LHFPL3: variants seen among roughly 807,000 people sequenced by gnomAD.
LHFPL3 encodes LHFPL tetraspan subfamily member 3, also known as LHFPL tetraspan subfamily member 3 protein.
Under a neutral mutation model 19.3 loss-of-function variants are expected in LHFPL3, and 5 were observed. The observed-to-expected ratio is 0.26, with a 90% CI of 0.14 to 0.54. The LOEUF is 0.54. Ranked by LOEUF, LHFPL3 falls within the 20% of genes least tolerant of loss-of-function variation. The pLI is 0.94. For synonymous variants in LHFPL3, 133 were observed against 126.2 expected, an observed-to-expected ratio of 1.05 and a Z score of -0.36; for missense variants, 249 against 307.4, an observed-to-expected ratio of 0.81 and a Z score of 1.42.
chr7:104,358,911 C>T (rs1425775215), intron 1 of LHFPL3, among the ~76,000 whole-genome samples: 1 of 152,196 alleles, frequency 6.6e-6, no homozygotes, highest in Non-Finnish European at 1.5e-5. Flanking sequence ...GCATAATGAT[C>T]CTTTTGCAAT....
chr7:104,833,052 A>AATATATATATATTATATATATATCC (rs1554349416), intron 2 of LHFPL3, among the ~76,000 whole-genome samples: 1 of 7,206 alleles, frequency 1.4e-4, no homozygotes, highest in African/African-American at 3.6e-4. Context: ...TATTATATAT[A>AATATATATATATTATATATATATCC]TATTATATAT....
chr7:104,882,008 G>A (rs1287222134), intron 2 of LHFPL3, among the ~76,000 whole-genome samples: 1 of 152,178 alleles, frequency 6.6e-6, no homozygotes, highest in Non-Finnish European at 1.5e-5. Context: ...TATAAACATA[G>A]CTTTTGCACT....
At chr7:104,674,642 C>T (rs1792557991) in intron 1 of LHFPL3, among the ~76,000 whole-genome samples, 1 of 152,104 alleles carries the variant, frequency 6.6e-6, no homozygotes, top group Admixed American at 6.5e-5. Flanking sequence ...GCTGGGATTA[C>T]AGGCGTGAGC....
intron 2 of LHFPL3, among the ~76,000 whole-genome samples, chr7:104,802,055 T>C (rs925821698): frequency 6.6e-6 from 1 of 152,204 alleles, no homozygotes; most frequent in Non-Finnish European, 1.5e-5. Flanking sequence ...TACCTCTTTC[T>C]CTACCCCTGC....
intron 1 of LHFPL3, among the ~76,000 whole-genome samples, chr7:104,593,541 G>A (rs1333120995): frequency 6.6e-6 from 1 of 152,202 alleles, no homozygotes; most frequent in Admixed American, 6.5e-5. Context: ...GAGTTCTGTA[G>A]ATGTCTATTA....
chr7:104,558,451 G>C (rs1789907431), intron 1 of LHFPL3, among the ~76,000 whole-genome samples: 1 of 152,054 alleles, frequency 6.6e-6, no homozygotes, highest in Non-Finnish European at 1.5e-5. Flanking sequence ...ATTTTTTCAT[G>C]TGTTTTTTGG....
rs1176189742 is a variant in LHFPL3, at chr7:104,430,383, C to CATAT, written c.445+101177_445+101180dup. 1.3e-4 allele frequency among the ~76,000 whole-genome samples: 5 copies of CATAT among 39,686 alleles called. No individual in the cohort carries two copies. The East Asian group carries it at 2.7e-3, about 21-fold the overall frequency. The allele number at this position is 39,686 out of a possible 152,430, so 26.0% of individuals were successfully genotyped here. A position where few individuals can be genotyped will look rare whatever the true frequency, so the allele number is the denominator to read the frequency against. On this transcript the variant is annotated intron_variant, in intron 1 of 2. Transcript: ENST00000424859. ...GCATTTCTGTGGGTATATATATATA[C>CATAT]ATATATATATATATATATATACATA...
intron 1 of LHFPL3, among the ~76,000 whole-genome samples, chr7:104,376,395 A>G (rs912116859): frequency 2.0e-5 from 3 of 152,190 alleles, no homozygotes; most frequent in African/African-American, 7.2e-5. Flanking sequence ...GTTATATAGG[A>G]TGTTTCAGTG....
At chr7:104,554,652 T>C (rs975421862) in intron 1 of LHFPL3, among the ~76,000 whole-genome samples, 2 of 133,834 alleles carry the variant, frequency 1.5e-5, no homozygotes, top group South Asian at 4.5e-4. Context: ...GATAGATAGA[T>C]AGATAGATAG....
chr7:104,378,234 C>T (rs541877760), intron 1 of LHFPL3, among the ~76,000 whole-genome samples: 1 of 152,152 alleles, frequency 6.6e-6, no homozygotes, highest in African/African-American at 2.4e-5. Context: ...TGCAGTTATC[C>T]CCTCATGCCT....
chr7:104,606,867 C>T (rs1265030985), intron 1 of LHFPL3, among the ~76,000 whole-genome samples: 1 of 152,088 alleles, frequency 6.6e-6, no homozygotes. Flanking sequence ...TCCTCAGGCA[C>T]TGAGTCCGTC....
chr7:104,830,695 T>G (rs1214588280), intron 2 of LHFPL3, among the ~76,000 whole-genome samples: 3 of 151,970 alleles, frequency 2.0e-5, no homozygotes, highest in Non-Finnish European at 2.9e-5. Flanking sequence ...AATCTATATC[T>G]CTGTTTTGGT....
At chr7:104,811,470 G>A (rs1790469329) in intron 2 of LHFPL3, among the ~76,000 whole-genome samples, 1 of 152,096 alleles carries the variant, frequency 6.6e-6, no homozygotes, top group South Asian at 2.1e-4. Flanking sequence ...CAAAGTGTTG[G>A]GATTGCAGGC....
chr7:104,862,633 C>T (rs1791637042), intron 2 of LHFPL3, among the ~76,000 whole-genome samples: 1 of 50 alleles, frequency 0.02, no homozygotes, highest in Non-Finnish European at 0.029. Flanking sequence ...GCCGCTGGTC[C>T]CGCAGTGCCC....
At chr7:104,396,596 C>T (rs1312924878) in intron 1 of LHFPL3, among the ~76,000 whole-genome samples, 1 of 147,402 alleles carries the variant, frequency 6.8e-6, no homozygotes, top group Non-Finnish European at 1.5e-5. Context: ...CCATACCCTT[C>T]ATTAGATTCT....
At chr7:104,551,623 A>G (rs1178898262) in intron 1 of LHFPL3, among the ~76,000 whole-genome samples, 1 of 152,150 alleles carries the variant, frequency 6.6e-6, no homozygotes, top group Non-Finnish European at 1.5e-5. Flanking sequence ...AATAGTAATA[A>G]TAGTTACAGT....
intron 1 of LHFPL3, among the ~76,000 whole-genome samples, chr7:104,332,223 C>CTTTTTTTTT (rs1183733733): frequency 5.3e-4 from 34 of 63,940 alleles, no homozygotes; most frequent in South Asian, 6.6e-4. Context: ...TATTTCTTTT[C>CTTTTTTTTT]TTTTTTTTTT....
chr7:104,898,687 G>T (rs1342288689), intron 2 of LHFPL3, among the ~76,000 whole-genome samples: 1 of 152,150 alleles, frequency 6.6e-6, no homozygotes, highest in Non-Finnish European at 1.5e-5. Flanking sequence ...AGGCGCGGTG[G>T]TTCATGCCTG....
At chr7:104,861,805 GA>G (rs1791624041) in intron 2 of LHFPL3, among the ~76,000 whole-genome samples, 1 of 150,588 alleles carries the variant, frequency 6.6e-6, no homozygotes, top group South Asian at 2.1e-4. Context: ...CCTTTTAGAA[GA>G]TCTTCCCTAA....
Sources: allele counts gnomAD v4.1 joint callset (sites outside exome capture counted in the v4.1 genomes callset), GRCh38; gene constraint gnomAD v4.1.1; transcripts MANE v1.5; gene names NCBI Gene and HGNC (gene_info 2026-07-23, HGNC 2026-07-21).